IL1RAPL1: variants seen among roughly 807,000 people sequenced by gnomAD.
IL1RAPL1 encodes the protein interleukin 1 receptor accessory protein like 1, also known as interleukin-1 receptor accessory protein-like 1.
A neutral mutation model predicts 48.4 loss-of-function variants in IL1RAPL1; 3 were observed. The observed-to-expected ratio is 0.06, with a 90% CI of 0.03 to 0.16. The LOEUF (loss-of-function observed/expected upper bound fraction) is 0.16, where lower values mean the gene tolerates loss of function less well. Ranked by LOEUF, IL1RAPL1 falls within the 10% of genes least tolerant of loss-of-function variation. The pLI is 1.00. For missense variants in IL1RAPL1, 349 were observed against 530.6 expected, an observed-to-expected ratio of 0.66 and a Z score of 3.36; for synonymous variants, 185 against 187.7, an observed-to-expected ratio of 0.99 and a Z score of 0.12.
rs149702108 is a variant in IL1RAPL1, at chrX:28,806,253, A to G, written c.82+16828A>G. 3.8e-3 allele frequency among the ~76,000 whole-genome samples: 425 copies of G among 112,102 alleles called. 1 individual carries two copies. The highest frequency in any genetic ancestry group is 0.013 in the African/African-American group (394 of 30,965). Reference sequence around the variant, plus strand: ...CTGACCATTCATGGTTATTGTGTATAATCCCCTGCTGAAATTGTAATAGCT... The same window carrying G: ...CTGACCATTCATGGTTATTGTGTATGATCCCCTGCTGAAATTGTAATAGCT... On this transcript the variant is annotated intron_variant, in intron 2 of 10. Transcript: ENST00000378993.
At chrX:29,394,696 G>A (rs956552543) in intron 3 of IL1RAPL1, among the ~76,000 whole-genome samples, 2 of 111,709 alleles carry the variant, frequency 1.8e-5, no homozygotes, top group African/African-American at 6.5e-5. Flanking sequence ...GTGAGGGCCT[G>A]AGGACAGGGA....
intron 2 of IL1RAPL1, among the ~76,000 whole-genome samples, chrX:28,873,681 G>T (rs1210703822): frequency 9.3e-6 from 1 of 107,722 alleles, no homozygotes; most frequent in Non-Finnish European, 1.9e-5. Flanking sequence ...ACAGGAGCCC[G>T]CCACCACAGC....
At chrX:29,923,741 G>A (rs1200192538) in intron 8 of IL1RAPL1, among the ~76,000 whole-genome samples, 1 of 111,584 alleles carries the variant, frequency 9.0e-6, no homozygotes. Context: ...CTCCTCCAAA[G>A]CTCTGATCTG....
intron 2 of IL1RAPL1, among the ~76,000 whole-genome samples, chrX:29,273,667 C>A (rs775470912): frequency 9.0e-6 from 1 of 111,537 alleles, no homozygotes; most frequent in Non-Finnish European, 1.9e-5. Context: ...TGAGGAGGGG[C>A]ACCAGTGGGG....
chrX:29,682,065 T>C (rs1420276789), intron 6 of IL1RAPL1, among the ~76,000 whole-genome samples: 26 of 111,928 alleles, frequency 2.3e-4, no homozygotes, highest in Non-Finnish European at 5.6e-5. Context: ...CCCCTATTAG[T>C]ATGTACAATT....
intron 1 of IL1RAPL1, among the ~76,000 whole-genome samples, chrX:28,596,128 T>A (rs750734787): frequency 8.9e-5 from 10 of 111,745 alleles, no homozygotes; most frequent in Admixed American, 8.6e-4. Flanking sequence ...AGTAAATCAT[T>A]ACACAAGCAA....
intron 5 of IL1RAPL1, among the ~76,000 whole-genome samples, chrX:29,443,473 C>A (rs1187439410): frequency 9.0e-6 from 1 of 110,975 alleles, no homozygotes; most frequent in Non-Finnish European, 1.9e-5. Flanking sequence ...CTAGAAACTT[C>A]CCTTTGTGAC....
At chrX:29,773,340 C>T (rs1205292532) in intron 6 of IL1RAPL1, among the ~76,000 whole-genome samples, 1 of 111,842 alleles carries the variant, frequency 8.9e-6, no homozygotes, top group Non-Finnish European at 1.9e-5. Context: ...CTGTGCTGAA[C>T]TTCCATTGCT....
chrX:29,696,503 C>T lies in IL1RAPL1; in HGVS notation c.778+27999C>T, dbSNP rs1408397752. Among the ~76,000 whole-genome samples the T allele has an allele frequency of 2.7e-5, 3 of 111,713 alleles. No individual in the cohort carries two copies. In the East Asian group the frequency reaches 8.4e-4, roughly 31 times the overall value. On this transcript the variant is annotated intron_variant, in intron 6 of 10. Transcript: ENST00000378993. ...TACACATATATCATCCATAACAGCT[C>T]GGCAGACAGGTAGAATAAATGCAAT... is the stretch of plus-strand genomic sequence containing the variant.
Position 28,848,235 on chromosome X carries a change from A to G in IL1RAPL1, c.82+58810A>G, listed in dbSNP as rs374493916. The stretch of plus-strand genomic sequence containing the variant: ...GCATGCAGGGCTTAAAACCTAGATG[A>G]CAGGTTGGTAGATGCAGCAAGCCAC... On this transcript the variant is annotated intron_variant, in intron 2 of 10. Transcript: ENST00000378993. Among the ~76,000 whole-genome samples the G allele has an allele frequency of 1.4e-4, 16 of 111,123 alleles. No homozygotes were observed. In the South Asian group the frequency reaches 5.0e-3, roughly 35 times the overall value.
intron 2 of IL1RAPL1, among the ~76,000 whole-genome samples, chrX:28,928,447 A>C (rs1006620310): frequency 4.5e-5 from 5 of 111,769 alleles, no homozygotes; most frequent in South Asian, 3.8e-4. Context: ...CCCTAAGGCA[A>C]AGATCTGAAT....
intron 8 of IL1RAPL1, among the ~76,000 whole-genome samples, chrX:29,933,798 A>AAAAT (rs1932988003): frequency 9.0e-6 from 1 of 111,264 alleles, no homozygotes; most frequent in South Asian, 3.8e-4. Flanking sequence ...AATACTATAA[A>AAAAT]AAATAAAGAC....
At chrX:28,791,465 T>C (rs5943551) in intron 2 of IL1RAPL1, among the ~76,000 whole-genome samples, 48,416 of 111,124 alleles carry the variant, frequency 0.44, 7,714 homozygotes, top group Middle Eastern at 0.63. Context: ...TTCAGTTTTA[T>C]TTTAATTTTG....
intron 5 of IL1RAPL1, among the ~76,000 whole-genome samples, chrX:29,519,643 G>A (rs774894475): frequency 8.9e-6 from 1 of 111,992 alleles, no homozygotes; most frequent in African/African-American, 3.2e-5. Context: ...GTGTTCATCT[G>A]GGTGTGACAG....
At chrX:28,885,969 ATAAC>A (rs1407141221) in intron 2 of IL1RAPL1, among the ~76,000 whole-genome samples, 3 of 111,402 alleles carry the variant, frequency 2.7e-5, no homozygotes, top group South Asian at 3.7e-4. Context: ...AGTAACAAAA[ATAAC>A]TAACAACATA....
At chrX:28,804,952 G>A (rs1159242431) in intron 2 of IL1RAPL1, among the ~76,000 whole-genome samples, 1 of 111,057 alleles carries the variant, frequency 9.0e-6, no homozygotes, top group African/African-American at 3.3e-5. Flanking sequence ...GAGAAAAGGT[G>A]GAAAAAGATA....
In IL1RAPL1 at chrX:29,956,485, G is replaced by T; in HGVS notation, c.*665G>T. 1 of 111,203 alleles carries T rather than the reference G, an allele frequency of 9.0e-6. No homozygotes were observed. Among genetic ancestry groups the T allele is most frequent in the Non-Finnish European group, 1.9e-5 (1 of 53,477 alleles). The allele number at this position is 111,203 out of a possible 1,213,427, so 9.2% of individuals were successfully genotyped here. On this transcript the variant is annotated 3_prime_UTR_variant, in exon 11 of 11. Transcript: ENST00000378993. ...TAAACTCTGTGCAGGGGTGGGGGCG[G>T]GTCTAACTGTCTTAACATTCAAGTC...
intron 3 of IL1RAPL1, among the ~76,000 whole-genome samples, chrX:29,325,363 G>T (rs1214981172): frequency 8.9e-6 from 1 of 112,094 alleles, no homozygotes; most frequent in East Asian, 2.8e-4. Context: ...GTCTTCATTT[G>T]TTCACACCCT....
chrX:29,282,828 C>A, intron 2 of IL1RAPL1, 110 bp from the exon 3 acceptor site: 1 of 799,129 alleles, frequency 1.3e-6, no homozygotes, highest in Non-Finnish European at 1.8e-6. Context: ...AAAATCTGAC[C>A]CAATATGGAT....
Sources: gnomAD v4.1 joint callset for allele counts (sites outside exome capture counted in the v4.1 genomes callset) on GRCh38, gnomAD v4.1.1 for gene constraint, MANE v1.5 for transcripts, NCBI Gene and HGNC (gene_info 2026-07-23, HGNC 2026-07-21) for gene names.